RBFOX1: variants seen among roughly 807,000 people sequenced by gnomAD.
The protein encoded by RBFOX1 is RNA binding fox-1 homolog 1.
In RBFOX1, 8 loss-of-function variants were observed where a neutral mutation model predicts 57.7. The observed-to-expected ratio is 0.14, with a 90% CI of 0.08 to 0.25. The LOEUF (loss-of-function observed/expected upper bound fraction) is 0.25, where lower values mean the gene tolerates loss of function less well. RBFOX1 is among the 10% of genes least tolerant of loss of function. The pLI, the probability that RBFOX1 is intolerant of heterozygous loss-of-function variation, is 1.00. For missense variants in RBFOX1, 611 were observed against 548.5 expected (o/e 1.11, Z -1.14); for synonymous variants, 326 against 222.4 (o/e 1.47, Z -4.15).
chr16:5,737,055 G>T (rs770039286), intron 3 of RBFOX1, among the ~76,000 whole-genome samples: 13 of 152,046 alleles, frequency 8.6e-5, no homozygotes, highest in African/African-American at 1.4e-4. Context: ...GCAGAGGTGA[G>T]TGAGGGGTAC....
At chr16:7,218,637 T>TGC (rs1567756930) in intron 4 of RBFOX1, among the ~76,000 whole-genome samples, 7 of 110,484 alleles carry the variant, frequency 6.3e-5, no homozygotes, top group African/African-American at 3.3e-4. Flanking sequence ...GCTGTGTGTG[T>TGC]GTGTGTGTGT....
chr16:6,489,564 A>G (rs2095583630), intron 2 of RBFOX1, among the ~76,000 whole-genome samples: 7 of 152,114 alleles, frequency 4.6e-5, no homozygotes, highest in Admixed American at 3.9e-4. Flanking sequence ...TTTCTCATGT[A>G]CTTTAGTAAT....
At chr16:5,950,472 T>C (rs987869117) in intron 4 of RBFOX1, among the ~76,000 whole-genome samples, 7 of 152,238 alleles carry the variant, frequency 4.6e-5, no homozygotes, top group African/African-American at 1.4e-4. Flanking sequence ...CTATTTTCAT[T>C]ATCTGGTATT....
chr16:7,173,631 A>C (rs2081129525), intron 4 of RBFOX1, among the ~76,000 whole-genome samples: 1 of 152,144 alleles, frequency 6.6e-6, no homozygotes, highest in Non-Finnish European at 1.5e-5. Context: ...GGGAAAGAGC[A>C]GTAAAGATAT....
intron 3 of RBFOX1, among the ~76,000 whole-genome samples, chr16:5,702,591 A>T (rs1004798271): frequency 6.6e-6 from 1 of 152,222 alleles, no homozygotes; most frequent in South Asian, 2.1e-4. Flanking sequence ...AGAGGATTTT[A>T]TACTTCCCTG....
chr16:6,752,227 A>G (rs1014160205), intron 3 of RBFOX1, among the ~76,000 whole-genome samples: 45 of 152,212 alleles, frequency 3.0e-4, no homozygotes, highest in Admixed American at 1.3e-4. Flanking sequence ...ATTAAGATAG[A>G]AAAGTATTAA....
At chr16:7,434,234 C>T (rs1340738947) in intron 4 of RBFOX1, among the ~76,000 whole-genome samples, 1 of 151,992 alleles carries the variant, frequency 6.6e-6, no homozygotes, top group Non-Finnish European at 1.5e-5. Flanking sequence ...CATTTTGGGA[C>T]GCCAAGGCAG....
At chr16:7,255,235 T>A (rs1427242814) in intron 4 of RBFOX1, among the ~76,000 whole-genome samples, 4 of 152,194 alleles carry the variant, frequency 2.6e-5, no homozygotes. Context: ...GGTTAAAGCC[T>A]GAGACTTAAT....
intron 4 of RBFOX1, among the ~76,000 whole-genome samples, chr16:7,350,059 A>G (rs2097099648): frequency 6.6e-6 from 1 of 152,168 alleles, no homozygotes; most frequent in Non-Finnish European, 1.5e-5. Flanking sequence ...AGGTGGGAGA[A>G]TCACTTGAAC....
intron 4 of RBFOX1, among the ~76,000 whole-genome samples, chr16:7,415,785 A>G (rs4786167): frequency 7.8e-6 from 1 of 128,910 alleles, no homozygotes. Flanking sequence ...AGAAAATAAG[A>G]GTATATATAT....
At chr16:7,423,913 A>G (rs1011668992) in intron 4 of RBFOX1, among the ~76,000 whole-genome samples, 2 of 152,126 alleles carry the variant, frequency 1.3e-5, no homozygotes, top group African/African-American at 4.8e-5. Context: ...TCTGAAGGAA[A>G]CCTTGTGTTT....
At chr16:5,842,365 T>G (rs766697048) in intron 3 of RBFOX1, among the ~76,000 whole-genome samples, 5 of 152,210 alleles carry the variant, frequency 3.3e-5, no homozygotes, top group Non-Finnish European at 5.9e-5. Flanking sequence ...TTGTTCTCTC[T>G]GTGGGAAATC....
At chr16:7,548,376 T>C (rs2085240493) in intron 5 of RBFOX1, among the ~76,000 whole-genome samples, 1 of 152,162 alleles carries the variant, frequency 6.6e-6, no homozygotes, top group South Asian at 2.1e-4. Context: ...AGGCTGGTCT[T>C]GAACTCCCAA....
chr16:5,405,093 A>G (rs2066826896), intron 1 of RBFOX1, among the ~76,000 whole-genome samples: 1 of 152,230 alleles, frequency 6.6e-6, no homozygotes. Flanking sequence ...CAGCTCATTC[A>G]TCATCACACA....
chr16:5,250,843 C>G (rs552923533), intron 1 of RBFOX1, among the ~76,000 whole-genome samples: 2 of 152,306 alleles, frequency 1.3e-5, no homozygotes, highest in East Asian at 3.9e-4. Context: ...TTTCCTCACA[C>G]ACATCACTTG....
chr16:5,591,273 C>G (rs9928875), intron 2 of RBFOX1, among the ~76,000 whole-genome samples: 2 of 143,622 alleles, frequency 1.4e-5, no homozygotes, highest in African/African-American at 2.6e-5. Context: ...TTTTTTGAGA[C>G]GGAGTTTCTC....
At chr16:5,909,543 G>C (rs960264488) in intron 4 of RBFOX1, among the ~76,000 whole-genome samples, 13 of 152,226 alleles carry the variant, frequency 8.5e-5, no homozygotes, top group African/African-American at 2.7e-4. Context: ...AGGAGGCACG[G>C]TTTATAGACC....
intron 1 of RBFOX1, among the ~76,000 whole-genome samples, chr16:5,248,104 C>G (rs1187014838): frequency 6.6e-6 from 1 of 152,224 alleles, no homozygotes; most frequent in Non-Finnish European, 1.5e-5. Context: ...GCTTACAAAA[C>G]CCAGTGAGGC....
chr16:6,599,826 G>A (rs1183640154), intron 2 of RBFOX1, among the ~76,000 whole-genome samples: 2 of 150,816 alleles, frequency 1.3e-5, no homozygotes, highest in African/African-American at 2.4e-5. Flanking sequence ...AGAGCACTTA[G>A]CTTAGAGAGC....
Sources: allele counts gnomAD v4.1 joint callset (sites outside exome capture counted in the v4.1 genomes callset), GRCh38; gene constraint gnomAD v4.1.1; transcripts MANE v1.5; gene names NCBI Gene and HGNC (gene_info 2026-07-23, HGNC 2026-07-21).